SLIT2: variants seen among roughly 807,000 people sequenced by gnomAD.
The protein encoded by SLIT2 is slit guidance ligand 2.
In SLIT2, 41 loss-of-function variants were observed where a neutral mutation model predicts 185.7. That is an observed-to-expected ratio of 0.22 (90% CI 0.17 to 0.29). The LOEUF (loss-of-function observed/expected upper bound fraction) is 0.29, where lower values mean the gene tolerates loss of function less well. SLIT2 is among the 10% of genes least tolerant of loss of function. The pLI is 1.00. For missense variants in SLIT2, 1,571 were observed against 1,909.0 expected (o/e 0.82, Z 3.30); for synonymous variants, 693 against 680.2 (o/e 1.02, Z -0.29).
chr4:20,477,909 C>T (rs1174597988), intron 5 of SLIT2, among the ~76,000 whole-genome samples: 1 of 152,136 alleles, frequency 6.6e-6, no homozygotes, highest in African/African-American at 2.4e-5. Flanking sequence ...AAAGGTATGG[C>T]AGAGAACAGA....
rs753778591 is a variant in SLIT2, at chr4:20,378,160, A to G, written c.396-89592A>G. Reference sequence around the variant, plus strand: ...GAAGCTGTGTCCCAGTGACTGTACAATTTTCCCAGAATCTCCTAAATGATA... The same window carrying G: ...GAAGCTGTGTCCCAGTGACTGTACAGTTTTCCCAGAATCTCCTAAATGATA... On this transcript the variant is annotated intron_variant, in intron 4 of 36. Transcript: ENST00000504154. Among the ~76,000 whole-genome samples, 10 of 152,256 alleles carry G rather than the reference A, an allele frequency of 6.6e-5. No homozygotes were observed. In the East Asian group the frequency reaches 7.7e-4, roughly 12 times the overall value.
Position 20,320,101 on chromosome 4 carries a change from C to T in SLIT2, c.395+51220C>T, listed in dbSNP as rs563043572. 8.5e-5 allele frequency among the ~76,000 whole-genome samples: 13 copies of T among 152,254 alleles called. No homozygotes were observed. The South Asian group carries it at 2.7e-3, about 32-fold the overall frequency. The stretch of plus-strand genomic sequence containing the variant: ...GTCTGGTGTGTAGTCACACACAATT[C>T]TTACCATCTCTATTATAAGTCAGGC... On this transcript the variant is annotated intron_variant, in intron 4 of 36. Transcript: ENST00000504154.
intron 34 of SLIT2, among the ~76,000 whole-genome samples, chr4:20,611,955 T>G (rs536143664): frequency 2.0e-5 from 3 of 152,336 alleles, no homozygotes; most frequent in South Asian, 4.1e-4. Flanking sequence ...AGGGAACAAA[T>G]CTAAGTGCTG....
At chr4:20,439,877 C>G (rs370779744) in intron 4 of SLIT2, among the ~76,000 whole-genome samples, 3 of 152,172 alleles carry the variant, frequency 2.0e-5, no homozygotes, top group African/African-American at 7.2e-5. Flanking sequence ...TTGAGGAACT[C>G]ACCACATAGC....
chr4:20,382,853 AAAAAT>A (rs1332536982), intron 4 of SLIT2, among the ~76,000 whole-genome samples: 8 of 152,152 alleles, frequency 5.3e-5, no homozygotes, highest in Admixed American at 2.6e-4. Flanking sequence ...GTAATTTGAA[AAAAAT>A]AAAATAAAAT....
At chr4:20,420,696 A>T (rs1315739854) in intron 4 of SLIT2, among the ~76,000 whole-genome samples, 1 of 152,022 alleles carries the variant, frequency 6.6e-6, no homozygotes, top group African/African-American at 2.4e-5. Flanking sequence ...GGAGGAAGAA[A>T]GGGAGGAAGA....
rs374147771 is a variant in SLIT2, at chr4:20,510,611, A to G, written c.986+45A>G. 53 of 1,194,998 alleles carry G rather than the reference A, an allele frequency of 4.4e-5. No individual in the cohort carries two copies. In the African/African-American group the frequency reaches 6.5e-4, roughly 15 times the overall value. The allele number at this position is 1,194,998 out of a possible 1,614,324, so 74.0% of individuals were successfully genotyped here. A position where few individuals can be genotyped will look rare whatever the true frequency, so the allele number is the denominator to read the frequency against. ...CAATATATGTAATTTTAAAAATTAT[A>G]GAGGTCATGAGACCATGCAAAGAAA... is the stretch of plus-strand genomic sequence containing the variant. On this transcript the variant is annotated intron_variant, in intron 10 of 36. Transcript: ENST00000504154.
At chr4:20,373,574 A>G (rs929920418) in intron 4 of SLIT2, among the ~76,000 whole-genome samples, 8 of 152,074 alleles carry the variant, frequency 5.3e-5, no homozygotes, top group Non-Finnish European at 1.2e-4. Flanking sequence ...ATGCACATGT[A>G]TATGTGTTGG....
At chr4:20,326,746 CTT>C (rs59509608) in intron 4 of SLIT2, among the ~76,000 whole-genome samples, 9 of 54,724 alleles carry the variant, frequency 1.6e-4, no homozygotes, top group Non-Finnish European at 2.2e-4. Context: ...ATTCTGAAAC[CTT>C]TTTTTTTTTT....
chr4:20,523,926 A>G (rs1301651625), intron 13 of SLIT2, 23 bp downstream of exon 13: 5 of 1,613,372 alleles, frequency 3.1e-6, no homozygotes, highest in Non-Finnish European at 4.2e-6. Context: ...GATTTGGATC[A>G]CTTTTGATGA....
chr4:20,378,885 C>A (rs1277028702), intron 4 of SLIT2, among the ~76,000 whole-genome samples: 1 of 152,058 alleles, frequency 6.6e-6, no homozygotes, highest in African/African-American at 2.4e-5. Context: ...TACATCTAAG[C>A]AATGGAGTAT....
chr4:20,488,572 G>T (rs372183414), intron 7 of SLIT2, among the ~76,000 whole-genome samples: 1 of 152,076 alleles, frequency 6.6e-6, no homozygotes, highest in East Asian at 1.9e-4. Flanking sequence ...TTAAATGAAC[G>T]TAAGTGAAAT....
At chr4:20,597,065 G>T (rs1337757262) in intron 32 of SLIT2, among the ~76,000 whole-genome samples, 7 of 144,700 alleles carry the variant, frequency 4.8e-5, no homozygotes, top group South Asian at 2.2e-4. Context: ...TTTTTGTTTT[G>T]TTGTTTTTTT....
intron 4 of SLIT2, among the ~76,000 whole-genome samples, chr4:20,325,720 G>T (rs568818137): frequency 6.6e-6 from 1 of 152,074 alleles, no homozygotes; most frequent in African/African-American, 2.4e-5. Context: ...TTTTGTTTTT[G>T]CTAGAAAGGA....
chr4:20,280,506 G>A (rs1054913134), intron 4 of SLIT2, among the ~76,000 whole-genome samples: 17 of 152,098 alleles, frequency 1.1e-4, no homozygotes, highest in South Asian at 2.1e-4. Context: ...ATAAGAGAGG[G>A]ACCTTGCCCA....
intron 4 of SLIT2, 100 bp from the exon 5 acceptor site, chr4:20,467,652 T>G (rs1178591203): frequency 1.6e-6 from 1 of 635,238 alleles, no homozygotes; most frequent in African/African-American, 1.9e-5. Context: ...AGGGTTTTCT[T>G]TTTTCTTTCT....
chr4:20,355,364 C>A (rs1219805699), intron 4 of SLIT2, among the ~76,000 whole-genome samples: 1 of 152,122 alleles, frequency 6.6e-6, no homozygotes, highest in Non-Finnish European at 1.5e-5. Context: ...TGAGGGTTTT[C>A]TGACTTTGCT....
Position 20,436,270 on chromosome 4 carries a change from A to T in SLIT2, c.396-31482A>T, listed in dbSNP as rs1729335903. Among the ~76,000 whole-genome samples the T allele has an allele frequency of 2.0e-5, 3 of 152,238 alleles. No homozygotes were observed. In the South Asian group the frequency reaches 6.2e-4, roughly 32 times the overall value. On this transcript the variant is annotated intron_variant, in intron 4 of 36. Coordinates refer to ENST00000504154, the MANE Select transcript of SLIT2 (RefSeq NM_004787.4). ...CCAAAGTCACACTACCTCTTTAAAC[A>T]TACAATCTAAGTAAAAACTATATGC...
chr4:20,340,769 T>G (rs887058288), intron 4 of SLIT2, among the ~76,000 whole-genome samples: 8 of 151,926 alleles, frequency 5.3e-5, no homozygotes, highest in Non-Finnish European at 8.8e-5. Flanking sequence ...CCCGGCTAAT[T>G]TTTTGTATTT....
Sources: allele counts gnomAD v4.1 joint callset (sites outside exome capture counted in the v4.1 genomes callset), GRCh38; gene constraint gnomAD v4.1.1; transcripts MANE v1.5; gene names NCBI Gene and HGNC (gene_info 2026-07-23, HGNC 2026-07-21).